Variants in CCDC158 observed in about 807,000 individuals in gnomAD.
The protein encoded by CCDC158 is coiled-coil domain containing 158, also known as coiled-coil domain-containing protein 158.
In CCDC158, 116 loss-of-function variants were observed where a neutral mutation model predicts 138.6. The observed-to-expected ratio is 0.84, with a 90% confidence interval of 0.72 to 0.98. The LOEUF (loss-of-function observed/expected upper bound fraction) is 0.98, where lower values mean the gene tolerates loss of function less well. CCDC158 is among the 50% of genes least tolerant of loss of function. The probability of loss-of-function intolerance (pLI) is 0.00; values close to 1 mark genes in which losing one functional copy is unlikely to be tolerated. For synonymous variants in CCDC158, 436 were observed against 442.4 expected, an observed-to-expected ratio of 0.99 and a Z score of 0.18; for missense variants, 1,265 against 1,306.1, an observed-to-expected ratio of 0.97 and a Z score of 0.48.
rs181507771 is a variant in CCDC158 at position 76,409,813 on chromosome 4, A to G, written c.-74+2277T>C. Reference sequence around the variant, plus strand: ...GCCACTGCACTCCAGCCTGGGTGACAGAGCGAGACTGTCTCAAAAAATAAA... The same window carrying G: ...GCCACTGCACTCCAGCCTGGGTGACGGAGCGAGACTGTCTCAAAAAATAAA... On this transcript the variant is annotated intron_variant, in intron 2 of 24. Transcript: ENST00000682701. Among the ~76,000 whole-genome samples the G allele has an allele frequency of 2.7e-3, 412 of 152,252 alleles. 2 individuals are homozygous for G. The highest frequency in any genetic ancestry group is 9.0e-3 in the African/African-American group (373 of 41,544).
At chr4:76,314,540 T>C (rs1398924463) in intron 24 of CCDC158, among the ~76,000 whole-genome samples, 1 of 152,136 alleles carries the variant, frequency 6.6e-6, no homozygotes, top group Non-Finnish European at 1.5e-5. Flanking sequence ...TTCCACAAGA[T>C]AGGTAAAAAA....
chr4:76,385,891 T>G (rs1726737094), intron 4 of CCDC158, among the ~76,000 whole-genome samples: 1 of 151,996 alleles, frequency 6.6e-6, no homozygotes. Context: ...AAATAAAAAA[T>G]CATCTACAAA....
intron 22 of CCDC158, 62 bp downstream of exon 22, chr4:76,328,838 T>C (rs1252384446): frequency 7.3e-7 from 1 of 1,371,130 alleles, no homozygotes; most frequent in African/African-American, 1.4e-5. Flanking sequence ...CTTTGGCTTT[T>C]ACCCTCGTGG....
chr4:76,344,260 A>G (rs1209241865), intron 18 of CCDC158, among the ~76,000 whole-genome samples: 1 of 152,212 alleles, frequency 6.6e-6, no homozygotes, highest in Non-Finnish European at 1.5e-5. Flanking sequence ...CATAATTGCT[A>G]CAAAGAGAAT....
intron 24 of CCDC158, 94 bp downstream of exon 24, chr4:76,323,208 C>G (rs1720200247): frequency 1.2e-6 from 1 of 810,078 alleles, no homozygotes; most frequent in African/African-American, 1.7e-5. Flanking sequence ...AATTCAATAC[C>G]CTTTCAGCAG....
At chr4:76,370,796 G>T (rs928014033) in intron 10 of CCDC158, among the ~76,000 whole-genome samples, 4 of 152,176 alleles carry the variant, frequency 2.6e-5, no homozygotes, top group African/African-American at 2.4e-5. Context: ...TCTCTACACA[G>T]CTCTCAGTTC....
intron 11 of CCDC158, 44 bp from the exon 12 acceptor site, chr4:76,367,820 G>A: frequency 6.5e-7 from 1 of 1,537,488 alleles, no homozygotes; most frequent in African/African-American, 1.4e-5. Flanking sequence ...TGGGAGGATA[G>A]GTATAGGCAA....
chr4:76,396,553 C>T (rs1370173909), intron 3 of CCDC158, 67 bp from the exon 4 acceptor site: 10 of 1,246,752 alleles, frequency 8.0e-6, no homozygotes, highest in African/African-American at 1.5e-5. Context: ...CTGTTATTGC[C>T]CAGGCTGGAG....
At chr4:76,370,389 C>T (rs1017530306) in intron 10 of CCDC158, among the ~76,000 whole-genome samples, 2 of 151,938 alleles carry the variant, frequency 1.3e-5, no homozygotes, top group African/African-American at 2.4e-5. Flanking sequence ...GCACTGGGTC[C>T]GGGTAGAGAG....
At chr4:76,361,911 G>C (rs1407746934) in intron 13 of CCDC158, among the ~76,000 whole-genome samples, 1 of 152,114 alleles carries the variant, frequency 6.6e-6, no homozygotes, top group African/African-American at 2.4e-5. Flanking sequence ...GTACACTGAG[G>C]GCTGACTAAA....
intron 1 of CCDC158, among the ~76,000 whole-genome samples, chr4:76,412,391 C>T (rs1169402540): frequency 6.6e-6 from 1 of 152,018 alleles, no homozygotes; most frequent in Admixed American, 6.6e-5. Flanking sequence ...GGAAGGAAGA[C>T]TGCTTGAGGC....
intron 9 of CCDC158, 21 bp from the exon 10 acceptor site, chr4:76,371,557 G>C: frequency 6.2e-7 from 1 of 1,613,178 alleles, no homozygotes; most frequent in African/African-American, 1.3e-5. Context: ...AGTACAAATT[G>C]AACAGTGTCT....
intron 24 of CCDC158, among the ~76,000 whole-genome samples, chr4:76,314,947 C>T (rs528387201): frequency 6.6e-6 from 1 of 152,142 alleles, no homozygotes; most frequent in East Asian, 1.9e-4. Flanking sequence ...ACAGTGTGGG[C>T]AGACAGGAAG....
intron 18 of CCDC158, 33 bp downstream of exon 18, chr4:76,350,963 T>G (rs1430424726): frequency 6.2e-7 from 1 of 1,601,024 alleles, no homozygotes; most frequent in African/African-American, 1.3e-5. Flanking sequence ...GCATATGTCA[T>G]TTGCGTAATG....
chr4:76,356,361 C>T (rs1723562378), intron 14 of CCDC158, among the ~76,000 whole-genome samples: 1 of 88,926 alleles, frequency 1.1e-5, no homozygotes, highest in Admixed American at 1.5e-4. Context: ...AGGAAATTTT[C>T]TAAAACAAAT....
intron 1 of CCDC158, among the ~76,000 whole-genome samples, chr4:76,417,591 T>C (rs6837813): frequency 0.25 from 33,775 of 134,378 alleles, 3,947 homozygotes; most frequent in Middle Eastern, 0.31. Flanking sequence ...TGCCGCCATG[T>C]AAGAAGTGCC....
At chr4:76,386,129 A>C (rs899281792) in intron 4 of CCDC158, among the ~76,000 whole-genome samples, 5 of 152,248 alleles carry the variant, frequency 3.3e-5, no homozygotes, top group African/African-American at 1.2e-4. Flanking sequence ...AGATCGAGAA[A>C]GAAGACAGGA....
intron 2 of CCDC158, among the ~76,000 whole-genome samples, chr4:76,408,070 TA>T (rs1644833276): frequency 6.6e-6 from 1 of 151,524 alleles, no homozygotes; most frequent in Admixed American, 6.6e-5. Context: ...AATTTTTAAT[TA>T]AAAAATTTTA....
At chr4:76,409,479 T>C (rs1468021920) in intron 2 of CCDC158, among the ~76,000 whole-genome samples, 2 of 152,190 alleles carry the variant, frequency 1.3e-5, no homozygotes, top group Admixed American at 1.3e-4. Context: ...TTATGAACAG[T>C]TCTGCCTGAT....
Sources: gnomAD v4.1 joint callset for allele counts (sites outside exome capture counted in the v4.1 genomes callset) on GRCh38, gnomAD v4.1.1 for gene constraint, MANE v1.5 for transcripts, NCBI Gene and HGNC (gene_info 2026-07-23, HGNC 2026-07-21) for gene names.